NUMB: variants seen among roughly 807,000 people sequenced by gnomAD.
NUMB encodes the protein protein numb homolog.
In NUMB, 29 loss-of-function variants were observed where a neutral mutation model predicts 59.7. The ratio of observed to expected loss-of-function variants is 0.49; its 90% CI spans 0.36 to 0.66. NUMB has a LOEUF of 0.66. Ranked by LOEUF, NUMB falls within the 30% of genes least tolerant of loss-of-function variation. The probability of loss-of-function intolerance (pLI) is 0.00; values close to 1 mark genes in which losing one functional copy is unlikely to be tolerated. For missense variants in NUMB, 723 were observed against 822.0 expected (o/e 0.88, Z 1.47); for synonymous variants, 288 against 288.2 (o/e 1.00, Z 0.01).
chr14:73,403,555 G>A (rs1896516072), intron 2 of NUMB, among the ~76,000 whole-genome samples: 1 of 152,208 alleles, frequency 6.6e-6, no homozygotes, highest in South Asian at 2.1e-4. Flanking sequence ...CAGAATCGGG[G>A]AGCTCCCTGG....
chr14:73,330,659 A>G (rs1479341213), intron 4 of NUMB, among the ~76,000 whole-genome samples: 1 of 152,230 alleles, frequency 6.6e-6, no homozygotes, highest in Non-Finnish European at 1.5e-5. Context: ...CATGCCCCAC[A>G]CATAGCAAAT....
chr14:73,311,349 C>G (rs751998296), intron 6 of NUMB, among the ~76,000 whole-genome samples: 5 of 152,180 alleles, frequency 3.3e-5, no homozygotes, highest in Non-Finnish European at 5.9e-5. Flanking sequence ...CCACCGTGCC[C>G]GGCCACGGCA....
At chr14:73,371,684 A>G (rs1239030999) in intron 2 of NUMB, among the ~76,000 whole-genome samples, 2 of 152,222 alleles carry the variant, frequency 1.3e-5, no homozygotes, top group South Asian at 4.2e-4. Flanking sequence ...TGGAGCACTT[A>G]AGGAGTGATT....
chr14:73,435,061 T>A (rs1897993269), intron 1 of NUMB, among the ~76,000 whole-genome samples: 1 of 152,126 alleles, frequency 6.6e-6, no homozygotes, highest in Admixed American at 6.6e-5. Flanking sequence ...CAAAAAAAAG[T>A]AAGTGTGCAA....
intron 2 of NUMB, among the ~76,000 whole-genome samples, chr14:73,373,036 T>C (rs565409117): frequency 6.6e-6 from 1 of 152,336 alleles, no homozygotes; most frequent in East Asian, 1.9e-4. Flanking sequence ...TCTCAACTGA[T>C]GTCATAAAAA....
intron 2 of NUMB, among the ~76,000 whole-genome samples, chr14:73,375,059 G>C (rs893403689): frequency 1.3e-5 from 2 of 152,040 alleles, no homozygotes; most frequent in Non-Finnish European, 2.9e-5. Context: ...TGTTGCCTCT[G>C]GCTTCAAGAG....
chr14:73,328,000 C>A (rs1224784909), intron 4 of NUMB, among the ~76,000 whole-genome samples: 1 of 151,928 alleles, frequency 6.6e-6, no homozygotes, highest in Non-Finnish European at 1.5e-5. Flanking sequence ...ATTGGCTGGG[C>A]GTGGTGGCTC....
chr14:73,329,276 C>T (rs182002746), intron 4 of NUMB, among the ~76,000 whole-genome samples: 1 of 152,254 alleles, frequency 6.6e-6, no homozygotes, highest in East Asian at 1.9e-4. Context: ...CAATCTTTGC[C>T]TAGCTCAAGT....
At chr14:73,397,743 T>C (rs1896205515) in intron 2 of NUMB, among the ~76,000 whole-genome samples, 1 of 152,258 alleles carries the variant, frequency 6.6e-6, no homozygotes, top group Non-Finnish European at 1.5e-5. Flanking sequence ...TATATCTTTC[T>C]GGTCATTAAA....
intron 4 of NUMB, among the ~76,000 whole-genome samples, chr14:73,337,232 C>T (rs1051792197): frequency 6.6e-6 from 1 of 151,580 alleles, no homozygotes; most frequent in Non-Finnish European, 1.5e-5. Flanking sequence ...CTTAATTGCC[C>T]AGGCATGGTG....
chr14:73,371,988 T>C (rs1374490749), intron 2 of NUMB, among the ~76,000 whole-genome samples: 1 of 151,906 alleles, frequency 6.6e-6, no homozygotes, highest in Non-Finnish European at 1.5e-5. Context: ...TCCCAGGACT[T>C]TGGAAGGCAG....
At chr14:73,282,833 G>C (rs1433740038) in intron 10 of NUMB, among the ~76,000 whole-genome samples, 2 of 152,184 alleles carry the variant, frequency 1.3e-5, no homozygotes, top group Non-Finnish European at 2.9e-5. Context: ...CAGCTAGCCA[G>C]ATCTTTGTAG....
intron 1 of NUMB, among the ~76,000 whole-genome samples, chr14:73,451,693 C>T (rs1196138525): frequency 2.0e-5 from 3 of 152,102 alleles, no homozygotes; most frequent in Admixed American, 1.3e-4. Flanking sequence ...AGTGACTAGA[C>T]GAAAGTATCA....
intron 4 of NUMB, among the ~76,000 whole-genome samples, chr14:73,353,768 G>C (rs1893609449): frequency 6.6e-6 from 1 of 151,498 alleles, no homozygotes; most frequent in African/African-American, 2.4e-5. Context: ...GCCTCCCTAA[G>C]AGGTTGTAAT....
intron 5 of NUMB, among the ~76,000 whole-genome samples, chr14:73,318,776 A>G (rs1215143886): frequency 6.6e-6 from 1 of 152,280 alleles, no homozygotes; most frequent in Non-Finnish European, 1.5e-5. Context: ...TTATGCCCAG[A>G]AAGTTAAAAA....
intron 2 of NUMB, among the ~76,000 whole-genome samples, chr14:73,395,111 T>C (rs12880471): frequency 0.8 from 115,797 of 144,854 alleles, 46,884 homozygotes; most frequent in African/African-American, 0.93. Context: ...GCTGTATCTC[T>C]AGCCTGGGAA....
chr14:73,395,266 A>G (rs937614132), intron 2 of NUMB, among the ~76,000 whole-genome samples: 4 of 64,352 alleles, frequency 6.2e-5, no homozygotes, highest in African/African-American at 4.1e-4. Flanking sequence ...GTTGATGGAC[A>G]CTTAGGTTGA....
chr14:73,439,644 C>G (rs1299690138), intron 1 of NUMB, among the ~76,000 whole-genome samples: 1 of 151,878 alleles, frequency 6.6e-6, no homozygotes, highest in Non-Finnish European at 1.5e-5. Context: ...CTTGAATTTT[C>G]AATTTAAAAA....
intron 2 of NUMB, among the ~76,000 whole-genome samples, chr14:73,371,457 C>A (rs1894667039): frequency 6.6e-6 from 1 of 152,048 alleles, no homozygotes; most frequent in South Asian, 2.1e-4. Context: ...ATCACTTAAA[C>A]CCGGGAGGTG....
Sources: allele counts gnomAD v4.1 joint callset (sites outside exome capture counted in the v4.1 genomes callset), GRCh38; gene constraint gnomAD v4.1.1; transcripts MANE v1.5; gene names NCBI Gene and HGNC (gene_info 2026-07-23, HGNC 2026-07-21).